PRSS3: variants seen among roughly 807,000 people sequenced by gnomAD.
PRSS3 encodes trypsin-3.
Under a neutral mutation model 20.8 loss-of-function variants are expected in PRSS3, and 14 were observed. The observed-to-expected ratio is 0.67, with a 90% confidence interval of 0.44 to 1.05. The LOEUF (loss-of-function observed/expected upper bound fraction) is 1.05. Ranked by LOEUF, PRSS3 falls within the 50% of genes least tolerant of loss-of-function variation. PRSS3 has a pLI of 0.00. For missense variants in PRSS3, 237 were observed against 306.4 expected, an observed-to-expected ratio of 0.77 and a Z score of 1.69; for synonymous variants, 91 against 117.6, an observed-to-expected ratio of 0.77 and a Z score of 1.46.
chr9:33,771,248 TG>T (rs1303054139), intron 1 of PRSS3, among the ~76,000 whole-genome samples: 5 of 151,974 alleles, frequency 3.3e-5, no homozygotes, highest in African/African-American at 1.2e-4. Context: ...CAGCCTTGGC[TG>T]GTCTCCACCA....
upstream of PRSS3, chr9:33,794,820 C>G (rs1008194496): frequency 8.4e-6 from 13 of 1,550,872 alleles, no homozygotes; most frequent in Non-Finnish European, 8.7e-6. Context: ...AGTGGCTTCA[C>G]ATTGAAGAAG....
rs1266344486 is a variant in PRSS3, at chr9:33,797,876, G to A, written c.248G>A (p.Gly83Glu). ...GAGCACAACATCAAAGTCCTGGAGG[G>A]GAATGAGCAGTTCATCAATGCGGCC... is the stretch of plus-strand genomic sequence containing the variant. ...LGEHNIKVLE[G>E]NEQFINAAKI... Residue 83 changes from glycine to glutamate, a missense_variant, in exon 3 of 5, where the codon GGG becomes GAG. Physicochemically the swap from Gly to Glu is moderately conservative, Grantham distance 98. Coordinates refer to ENST00000379405, the MANE Select transcript of PRSS3 (RefSeq NM_002771.4). 2 of 1,614,120 alleles carry A rather than the reference G, an allele frequency of 1.2e-6. No individual in the cohort carries two copies. The highest frequency in any genetic ancestry group is 1.7e-5 in the Admixed American group (1 of 60,010).
At chr9:33,771,374 G>T (rs1459995959) in intron 1 of PRSS3, among the ~76,000 whole-genome samples, 1 of 151,494 alleles carries the variant, frequency 6.6e-6, no homozygotes, top group African/African-American at 2.4e-5. Flanking sequence ...CTGGAGTGCT[G>T]GAGTGCAGTG....
intron 2 of PRSS3, 133 bp from the exon 3 acceptor site, chr9:33,797,695 TG>T: frequency 6.4e-7 from 1 of 1,553,720 alleles, no homozygotes; most frequent in South Asian, 1.2e-5. Flanking sequence ...CTCCTGCCCA[TG>T]CAATATGGCC....
chr9:33,751,609 C>A (rs1054131759), intron 1 of PRSS3, among the ~76,000 whole-genome samples: 1 of 152,160 alleles, frequency 6.6e-6, no homozygotes, highest in African/African-American at 2.4e-5. Flanking sequence ...TGCTTTCTGC[C>A]GTGTCTGCCG....
At chr9:33,761,567 G>A (rs538010658) in intron 1 of PRSS3, among the ~76,000 whole-genome samples, 41 of 152,250 alleles carry the variant, frequency 2.7e-4, no homozygotes, top group Non-Finnish European at 5.1e-4. Flanking sequence ...TTAGCCAGGC[G>A]TGGTGGTGCA....
intron 1 of PRSS3, among the ~76,000 whole-genome samples, chr9:33,777,886 A>G (rs1191070936): frequency 6.6e-6 from 1 of 152,174 alleles, no homozygotes. Context: ...CAGTAAGTAG[A>G]CAAATAGTTT....
chr9:33,766,446 G>A (rs1481537635), intron 1 of PRSS3, among the ~76,000 whole-genome samples: 2 of 151,782 alleles, frequency 1.3e-5, no homozygotes, highest in South Asian at 2.1e-4. Flanking sequence ...GGTGGCAGGC[G>A]CCTGTAGTCC....
chr9:33,776,194 A>T (rs889369179), intron 1 of PRSS3, among the ~76,000 whole-genome samples: 1 of 152,250 alleles, frequency 6.6e-6, no homozygotes, highest in African/African-American at 2.4e-5. Context: ...CAGATAGTGG[A>T]AGAACCAGTG....
upstream of PRSS3, among the ~76,000 whole-genome samples, chr9:33,794,395 A>G (rs982451503): frequency 1.3e-5 from 2 of 152,106 alleles, no homozygotes; most frequent in East Asian, 3.9e-4. Flanking sequence ...CCATCTCCAC[A>G]CTACTCTGGC....
At chr9:33,769,969 A>C (rs1823611452) in intron 1 of PRSS3, among the ~76,000 whole-genome samples, 1 of 152,226 alleles carries the variant, frequency 6.6e-6, no homozygotes, top group African/African-American at 2.4e-5. Flanking sequence ...CAGACTGGGC[A>C]ACATGGTGAA....
At chr9:33,754,360 G>A (rs1469418305) in intron 1 of PRSS3, among the ~76,000 whole-genome samples, 1 of 151,864 alleles carries the variant, frequency 6.6e-6, no homozygotes, top group Non-Finnish European at 1.5e-5. Context: ...GTGAGCCGCC[G>A]CGCCTGGCTT....
intron 1 of PRSS3, among the ~76,000 whole-genome samples, chr9:33,768,641 G>A (rs2118883665): frequency 6.6e-6 from 1 of 151,964 alleles, no homozygotes; most frequent in East Asian, 2.0e-4. Flanking sequence ...TGGATCACCT[G>A]AGGTCAGGAG....
chr9:33,772,028 T>C (rs558548688), intron 1 of PRSS3, among the ~76,000 whole-genome samples: 25 of 152,056 alleles, frequency 1.6e-4, no homozygotes, highest in African/African-American at 5.8e-4. Flanking sequence ...CCCGCCACCA[T>C]GCCCAGCTCA....
rs369063786 is a variant in PRSS3 at position 33,796,714 on chromosome 9, C to G, written c.112C>G (p.Gln38Glu). ...YTCEENSLPYQVSLNSGSHFC... is the reference protein window; with the variant it reads ...YTCEENSLPYEVSLNSGSHFC... ...CTGTGAGGAGAATTCTCTCCCCTAC[C>G]AGGTGTCCCTGAATTCTGGCTCCCA... The change falls in exon 2 of 5, where the codon CAG becomes GAG. Residue 38 changes from glutamine (Q) to glutamate (E), a missense_variant. Coordinates refer to ENST00000379405, the MANE Select transcript of PRSS3 (RefSeq NM_002771.4). The G allele has an allele frequency of 8.7e-6, 14 of 1,613,872 alleles. No homozygotes were observed. The highest frequency in any genetic ancestry group is 1.2e-5 in the Non-Finnish European group (14 of 1,179,868).
intron 1 of PRSS3, among the ~76,000 whole-genome samples, chr9:33,772,160 CCG>C (rs768267733): frequency 1.3e-4 from 20 of 152,122 alleles, no homozygotes; most frequent in Non-Finnish European, 2.4e-4. Context: ...GCGTAAGCCA[CCG>C]CGCGCAGCCC....
chr9:33,768,543 G>C (rs1372062499), intron 1 of PRSS3, among the ~76,000 whole-genome samples: 1 of 151,186 alleles, frequency 6.6e-6, no homozygotes, highest in Non-Finnish European at 1.5e-5. Context: ...GACTGAGAAA[G>C]AAAGAACAGA....
intron 1 of PRSS3, among the ~76,000 whole-genome samples, chr9:33,756,040 G>C (rs1345078587): frequency 2.0e-5 from 3 of 151,704 alleles, no homozygotes; most frequent in Non-Finnish European, 4.4e-5. Context: ...GTAATTTTAC[G>C]CCTTTTTCTT....
intron 1 of PRSS3, among the ~76,000 whole-genome samples, chr9:33,775,521 G>A (rs1405543982): frequency 1.3e-5 from 2 of 152,162 alleles, no homozygotes; most frequent in Non-Finnish European, 2.9e-5. Flanking sequence ...GAGAATCAGA[G>A]AAGTATTGAA....
Sources: allele counts gnomAD v4.1 joint callset (sites outside exome capture counted in the v4.1 genomes callset), GRCh38; gene constraint gnomAD v4.1.1; transcripts MANE v1.5; gene names NCBI Gene and HGNC (gene_info 2026-07-23, HGNC 2026-07-21).